Variants in GALNT13 observed in about 807,000 individuals in gnomAD.
The protein encoded by GALNT13 is polypeptide N-acetylgalactosaminyltransferase 13, also known as UDP-GalNAc:polypeptide N-acetylgalactosaminyltransferase 13.
Under a neutral mutation model 64.2 loss-of-function variants are expected in GALNT13, and 28 were observed. That is an observed-to-expected ratio of 0.44 (90% CI 0.32 to 0.60). The LOEUF is 0.60. GALNT13 is among the 20% of genes least tolerant of loss of function. GALNT13 has a pLI of 0.05. For missense variants in GALNT13, 577 were observed against 669.8 expected (o/e 0.86, Z 1.53); for synonymous variants, 214 against 224.6 (o/e 0.95, Z 0.42).
intron 8 of GALNT13, chr2:154,287,080 A>C (rs1349204777): frequency 2.4e-6 from 2 of 823,330 alleles, no homozygotes; most frequent in African/African-American, 3.3e-5. Flanking sequence ...TCATCCACCC[A>C]CCTTTGGGCA....
intron 4 of GALNT13, among the ~76,000 whole-genome samples, chr2:154,161,043 A>G (rs967999690): frequency 6.6e-6 from 1 of 152,194 alleles, no homozygotes; most frequent in South Asian, 2.1e-4. Flanking sequence ...GTTACCGCAC[A>G]GTATACAAGC....
chr2:154,139,131 A>T lies in GALNT13; in HGVS notation c.143-1206A>T, dbSNP rs114866137. ...GATGCCTATTCTCTTATATGGTTTG[A>T]CTCATGCCATTACAAAGTCATCAAC... On this transcript the variant is annotated intron_variant, in intron 3 of 12. Coordinates refer to ENST00000392825, the MANE Select transcript of GALNT13 (RefSeq NM_052917.4). Among the ~76,000 whole-genome samples the T allele has an allele frequency of 9.0e-3, 1,375 of 152,062 alleles. 18 individuals are homozygous for T. Among genetic ancestry groups the T allele is most frequent in the African/African-American group, 0.031 (1,278 of 41,496 alleles).
At chr2:153,406,657 C>T in the GALNT13 span, among the ~76,000 whole-genome samples, 1 of 152,208 alleles carries the variant, frequency 6.6e-6, no homozygotes, top group Non-Finnish European at 1.5e-5. Context: ...TTCTGCCTGC[C>T]TCAGCCTCCC....
At chr2:153,281,580 G>C in the GALNT13 span, among the ~76,000 whole-genome samples, 6 of 152,126 alleles carry the variant, frequency 3.9e-5, no homozygotes, top group Admixed American at 3.9e-4. Context: ...TGTAAGGCTG[G>C]TCTGCTGAAA....
chr2:153,986,047 A>G (rs1694776083), intron 3 of GALNT13, among the ~76,000 whole-genome samples: 1 of 152,082 alleles, frequency 6.6e-6, no homozygotes, highest in African/African-American at 2.4e-5. Flanking sequence ...AGATAGTATT[A>G]TCAGTGATGA....
chr2:153,300,088 T>C, the GALNT13 span, among the ~76,000 whole-genome samples: 8 of 152,266 alleles, frequency 5.3e-5, no homozygotes, highest in East Asian at 9.7e-4. Flanking sequence ...GCTAATGTGT[T>C]CTCAAATTAC....
chr2:154,255,175 C>A (rs750781568), intron 7 of GALNT13, among the ~76,000 whole-genome samples: 2 of 151,962 alleles, frequency 1.3e-5, no homozygotes, highest in Admixed American at 1.3e-4. Flanking sequence ...AAGCAGGAAG[C>A]CTGATGTATT....
At chr2:153,510,721 A>G in the GALNT13 span, among the ~76,000 whole-genome samples, 1 of 150,028 alleles carries the variant, frequency 6.7e-6, no homozygotes, top group African/African-American at 2.5e-5. Context: ...TTGCCAGGTG[A>G]TTCTTATGTG....
At position 154,043,498 on chromosome 2, in the gene GALNT13, A is replaced by G. The variant is rs552754241; in HGVS notation, c.143-96839A>G. 2.7e-5 allele frequency among the ~76,000 whole-genome samples: 4 copies of G among 147,536 alleles called. No individual in the cohort carries two copies. In the South Asian group the frequency reaches 8.7e-4, roughly 32 times the overall value. ...AAAACATGTATTGCAAATAGAAATAAGGTCTCTATTTAAAAATCTAACAGT... is the reference window on the plus strand; with the variant it reads ...AAAACATGTATTGCAAATAGAAATAGGGTCTCTATTTAAAAATCTAACAGT... On this transcript the variant is annotated intron_variant, in intron 3 of 12. Transcript: ENST00000392825.
At chr2:153,988,731 G>A (rs141338415) in intron 3 of GALNT13, among the ~76,000 whole-genome samples, 163 of 151,996 alleles carry the variant, frequency 1.1e-3, no homozygotes, top group African/African-American at 3.8e-3. Context: ...TAAACCCTTG[G>A]TGAAAATTTA....
chr2:153,263,481 T>C, the GALNT13 span, among the ~76,000 whole-genome samples: 1 of 152,054 alleles, frequency 6.6e-6, no homozygotes, highest in South Asian at 2.1e-4. Context: ...AAATTACCCA[T>C]ATTGCTAAGA....
intron 7 of GALNT13, 48 bp from the exon 8 acceptor site, chr2:154,258,973 A>G: frequency 1.6e-5 from 16 of 975,380 alleles, no homozygotes; most frequent in Non-Finnish European, 2.6e-5. Context: ...TAAACTCCAT[A>G]CATTGTTTTC....
At chr2:153,576,654 A>G in the GALNT13 span, among the ~76,000 whole-genome samples, 13 of 152,322 alleles carry the variant, frequency 8.5e-5, no homozygotes, top group East Asian at 1.4e-3. Context: ...CTGCAATTCA[A>G]TACTTTTTCT....
chr2:153,219,962 A>G, the GALNT13 span, among the ~76,000 whole-genome samples: 1 of 152,308 alleles, frequency 6.6e-6, no homozygotes, highest in Middle Eastern at 3.4e-3. Context: ...CTGTTCTAAC[A>G]CTAGTTTTAT....
At chr2:153,511,780 A>G in the GALNT13 span, among the ~76,000 whole-genome samples, 1 of 152,340 alleles carries the variant, frequency 6.6e-6, no homozygotes, top group Non-Finnish European at 1.5e-5. Context: ...AGTATAAAGA[A>G]GTATTTATAT....
the GALNT13 span, among the ~76,000 whole-genome samples, chr2:153,251,200 G>A: frequency 6.6e-6 from 1 of 152,100 alleles, no homozygotes; most frequent in Non-Finnish European, 1.5e-5. Flanking sequence ...TTGTGTAAAT[G>A]TATTACTGGT....
At chr2:153,146,171 G>GTT in the GALNT13 span, among the ~76,000 whole-genome samples, 147 of 139,444 alleles carry the variant, frequency 1.1e-3, no homozygotes, top group African/African-American at 3.1e-3. Context: ...TTTATGGAGG[G>GTT]TTTTTTTTTT....
At chr2:153,182,417 T>C in the GALNT13 span, among the ~76,000 whole-genome samples, 1 of 152,216 alleles carries the variant, frequency 6.6e-6, no homozygotes, top group Non-Finnish European at 1.5e-5. Flanking sequence ...TTCACAGATA[T>C]GAACCAAAAG....
intron 3 of GALNT13, among the ~76,000 whole-genome samples, chr2:154,019,602 CCA>C (rs67316542): frequency 0.19 from 23,614 of 126,054 alleles, 2,146 homozygotes; most frequent in African/African-American, 0.22. Context: ...GAGTAAGACT[CCA>C]CACACACACA....
Sources: allele counts gnomAD v4.1 joint callset (sites outside exome capture counted in the v4.1 genomes callset), GRCh38; gene constraint gnomAD v4.1.1; transcripts MANE v1.5; gene names NCBI Gene and HGNC (gene_info 2026-07-23, HGNC 2026-07-21).